TPPP: variants seen among roughly 807,000 people sequenced by gnomAD.
TPPP encodes the protein tubulin polymerization promoting protein, also known as tubulin polymerization-promoting protein.
A neutral mutation model predicts 15.5 loss-of-function variants in TPPP; 6 were observed. That is an observed-to-expected ratio of 0.39 (90% CI 0.21 to 0.77). The LOEUF is 0.77. Among genes scored for constraint, TPPP ranks in the 30% least tolerant of loss-of-function variants. The pLI is 0.42. For synonymous variants in TPPP, 146 were observed against 133.9 expected (o/e 1.09, Z -0.63); for missense variants, 269 against 307.2 (o/e 0.88, Z 0.93).
At chr5:683,124 C>T (rs1740671803) in intron 1 of TPPP, among the ~76,000 whole-genome samples, 1 of 152,058 alleles carries the variant, frequency 6.6e-6, no homozygotes, top group Admixed American at 6.5e-5. Flanking sequence ...TCTCCAGCTG[C>T]ACCCGCTGAC....
At position 662,888 on chromosome 5, in the gene TPPP, G is replaced by A. The variant is rs1396499166; in HGVS notation, c.*2214C>T. 7.0e-6 allele frequency: 1 copy of A among 143,790 alleles called. No individual in the cohort carries two copies. Among genetic ancestry groups the A allele is most frequent in the Non-Finnish European group, 1.5e-5 (1 of 65,998 alleles). The allele number at this position is 143,790 out of a possible 1,614,324, so 8.9% of individuals were successfully genotyped here. ...TCGTCTGTGATCGGGTGATTCCGAT[G>A]ACTGCTCGTCTGTGATCGGGCGATT... On this transcript the variant is annotated 3_prime_UTR_variant, in exon 4 of 4. Transcript: ENST00000360578.
chr5:672,752 G>A (rs546548794), intron 2 of TPPP, among the ~76,000 whole-genome samples: 9 of 152,376 alleles, frequency 5.9e-5, no homozygotes, highest in African/African-American at 2.2e-4. Flanking sequence ...GGTCCCGCCT[G>A]TGCACGCTAT....
chr5:668,667 C>G (rs1294797332), intron 2 of TPPP, among the ~76,000 whole-genome samples: 1 of 152,260 alleles, frequency 6.6e-6, no homozygotes, highest in African/African-American at 2.4e-5. Flanking sequence ...AAAGGTGGCC[C>G]AGCAGTCCCG....
chr5:673,472 A>G (rs1475237805), intron 2 of TPPP, among the ~76,000 whole-genome samples: 2 of 151,218 alleles, frequency 1.3e-5, no homozygotes, highest in Non-Finnish European at 3.0e-5. Context: ...GGAGGGGGGG[A>G]GGTCAGAATC....
chr5:684,307 C>T (rs766172671), intron 1 of TPPP, among the ~76,000 whole-genome samples: 10 of 152,220 alleles, frequency 6.6e-5, no homozygotes, highest in Non-Finnish European at 1.2e-4. Flanking sequence ...CGGCACAGCC[C>T]CAAGGGAGAC....
the TPPP span, among the ~76,000 whole-genome samples, chr5:700,497 A>G: frequency 6.6e-6 from 1 of 152,102 alleles, no homozygotes; most frequent in East Asian, 1.9e-4. Flanking sequence ...AATGTTCACT[A>G]TTCAGGCGAT....
chr5:674,468 C>A (rs558676986), intron 2 of TPPP, among the ~76,000 whole-genome samples: 2 of 151,332 alleles, frequency 1.3e-5, no homozygotes, highest in African/African-American at 4.9e-5. Context: ...TAAATATAGC[C>A]GACCCAGTTT....
rs573306049 is a variant in TPPP at position 665,406 on chromosome 5, G to A, written c.466-110C>T. 4 of 1,011,180 alleles carry A rather than the reference G, an allele frequency of 4.0e-6. No homozygotes were observed. The South Asian group carries it at 4.7e-5, about 12-fold the overall frequency. 62.6% of individuals were successfully genotyped at this position (1,011,180 alleles called of 1,614,324 possible). On this transcript the variant is annotated intron_variant, in intron 3 of 3. Transcript: ENST00000360578. ...CTCCCAGCGGTGGGGCACTGGGCAA[G>A]GGGCATAAACCCTGGGATTTATGCC...
upstream of TPPP, among the ~76,000 whole-genome samples, chr5:698,207 A>G (rs2126921469): frequency 6.6e-6 from 1 of 152,034 alleles, no homozygotes; most frequent in East Asian, 1.9e-4. Context: ...AGCCAACATC[A>G]GAATTAAGGG....
At chr5:684,924 G>A (rs533189547) in intron 1 of TPPP, among the ~76,000 whole-genome samples, 24 of 152,246 alleles carry the variant, frequency 1.6e-4, no homozygotes, top group African/African-American at 5.1e-4. Context: ...ATGATCAGCC[G>A]CTCCAGCCCA....
chr5:671,811 C>T (rs565755843), intron 2 of TPPP, among the ~76,000 whole-genome samples: 19 of 152,354 alleles, frequency 1.2e-4, no homozygotes, highest in African/African-American at 3.1e-4. Context: ...CCAGAGCCGC[C>T]GAGTGCAAGC....
intron 2 of TPPP, among the ~76,000 whole-genome samples, chr5:673,512 G>GGACTGGGAC (rs1740294256): frequency 1.3e-5 from 2 of 152,130 alleles, no homozygotes; most frequent in Non-Finnish European, 2.9e-5. Context: ...CGGAGTCCCA[G>GGACTGGGAC]TCCTGGCCAC....
rs2126850880 is a variant in TPPP, at chr5:661,109, G to T, written c.*3993C>A. The T allele has an allele frequency of 6.6e-6, 1 of 152,466 alleles. No individual in the cohort carries two copies. Among genetic ancestry groups the T allele is most frequent in the South Asian group, 2.1e-4 (1 of 4,838 alleles). 9.4% of individuals were successfully genotyped at this position (152,466 alleles called of 1,614,324 possible). A position where few individuals can be genotyped will look rare whatever the true frequency, so the allele number is the denominator to read the frequency against. On this transcript the variant is annotated 3_prime_UTR_variant, in exon 4 of 4. Coordinates refer to ENST00000360578, the MANE Select transcript of TPPP (RefSeq NM_007030.3). Reference sequence around the variant, plus strand: ...TAAAAATAAATAAGCACTCTGGCGTGAACAGTCTTCTCAGCGCTCTCCCTC... The same window carrying T: ...TAAAAATAAATAAGCACTCTGGCGTTAACAGTCTTCTCAGCGCTCTCCCTC...
intron 1 of TPPP, chr5:692,805 C>G (rs907164180): frequency 1.1e-6 from 1 of 951,704 alleles, no homozygotes; most frequent in African/African-American, 1.8e-5. Context: ...AGGGATCTCT[C>G]AAAACCTGCT....
intron 2 of TPPP, among the ~76,000 whole-genome samples, chr5:676,977 A>G (rs1326724699): frequency 1.7e-5 from 2 of 118,320 alleles, no homozygotes; most frequent in African/African-American, 5.2e-5. Context: ...AGAAACGCAC[A>G]CACGACGCAG....
the TPPP span, among the ~76,000 whole-genome samples, chr5:698,650 A>G: frequency 6.6e-6 from 1 of 151,908 alleles, no homozygotes; most frequent in Non-Finnish European, 1.5e-5. Context: ...TCCCATGAGA[A>G]CAGGATGGTG....
chr5:686,099 C>T (rs1014583181), intron 1 of TPPP, among the ~76,000 whole-genome samples: 1 of 152,174 alleles, frequency 6.6e-6, no homozygotes, highest in Non-Finnish European at 1.5e-5. Context: ...AAACCACATG[C>T]CCAGCCAGTG....
At chr5:679,731 A>T (rs1740569934) in intron 1 of TPPP, among the ~76,000 whole-genome samples, 1 of 151,946 alleles carries the variant, frequency 6.6e-6, no homozygotes. Context: ...TCCTGTGGGG[A>T]CGCGCCTGAA....
chr5:682,850 G>A (rs545035674), intron 1 of TPPP, among the ~76,000 whole-genome samples: 78 of 152,278 alleles, frequency 5.1e-4, no homozygotes, highest in Non-Finnish European at 7.9e-4. Flanking sequence ...TGGACAGGCT[G>A]TGCTCACATC....
Sources: allele counts gnomAD v4.1 joint callset (sites outside exome capture counted in the v4.1 genomes callset), GRCh38; gene constraint gnomAD v4.1.1; transcripts MANE v1.5; gene names NCBI Gene and HGNC (gene_info 2026-07-23, HGNC 2026-07-21).